Variants in TACC1 observed in about 807,000 individuals in gnomAD.
The protein encoded by TACC1 is transforming acidic coiled-coil-containing protein 1.
In TACC1, 48 loss-of-function variants were observed where a neutral mutation model predicts 84.4. The observed-to-expected ratio is 0.57, with a 90% CI of 0.45 to 0.72. TACC1 has a LOEUF of 0.72. Among genes scored for constraint, TACC1 ranks in the 30% least tolerant of loss-of-function variants. TACC1 has a pLI of 0.00. For missense variants in TACC1, 920 were observed against 973.0 expected, an observed-to-expected ratio of 0.95 and a Z score of 0.72; for synonymous variants, 372 against 376.3, an observed-to-expected ratio of 0.99 and a Z score of 0.13.
At chr8:38,771,468 A>G (rs370379395) in intron 3 of TACC1, among the ~76,000 whole-genome samples, 3 of 152,230 alleles carry the variant, frequency 2.0e-5, no homozygotes, top group African/African-American at 4.8e-5. Flanking sequence ...TGTTCAGTCC[A>G]TAAGTACCAT....
At chr8:38,763,783 G>A (rs1283924169) in intron 3 of TACC1, among the ~76,000 whole-genome samples, 1 of 151,802 alleles carries the variant, frequency 6.6e-6, no homozygotes, top group East Asian at 1.9e-4. Flanking sequence ...TTGCTTAATG[G>A]TTCATTATCT....
intron 3 of TACC1, among the ~76,000 whole-genome samples, chr8:38,766,815 T>A (rs1812342905): frequency 6.6e-6 from 1 of 152,086 alleles, no homozygotes; most frequent in Admixed American, 6.5e-5. Context: ...TCAGTCCTGA[T>A]GAACCTGGCT....
At position 38,787,539 on chromosome 8, in the gene TACC1, C is replaced by T. The variant is rs968613495; in HGVS notation, c.-44C>T. The T allele has an allele frequency of 2.7e-6, 4 of 1,493,674 alleles. No homozygotes were observed. In the Admixed American group the frequency reaches 7.8e-5, roughly 29 times the overall value. 92.5% of individuals were successfully genotyped at this position (1,493,674 alleles called of 1,614,324 possible). A position where few individuals can be genotyped will look rare whatever the true frequency, so the allele number is the denominator to read the frequency against. Reference sequence around the variant, plus strand: ...TGAAAGGGAAAAAGGCTCTCCCCACCCATTCCCCTGCCCCTAGGAGCTGGA... The same window carrying T: ...TGAAAGGGAAAAAGGCTCTCCCCACTCATTCCCCTGCCCCTAGGAGCTGGA... On this transcript the variant is annotated 5_prime_UTR_variant, in exon 1 of 13. Transcript: ENST00000317827.
At chr8:38,790,793 A>G (rs1818466204) in intron 2 of TACC1, among the ~76,000 whole-genome samples, 1 of 152,228 alleles carries the variant, frequency 6.6e-6, no homozygotes, top group African/African-American at 2.4e-5. Flanking sequence ...CCCAGCTGAG[A>G]ATTCAGCAAT....
chr8:38,739,243 G>T (rs181305739), intron 1 of TACC1, among the ~76,000 whole-genome samples: 15 of 152,184 alleles, frequency 9.9e-5, no homozygotes, highest in Non-Finnish European at 2.1e-4. Flanking sequence ...TCATACTGAT[G>T]TCTATAACTC....
chr8:38,787,719 C>T lies in TACC1; in HGVS notation c.137C>T (p.Ala46Val). 4.5e-6 allele frequency: 7 copies of T among 1,547,540 alleles called. No individual in the cohort carries two copies. The highest frequency in any genetic ancestry group is 2.4e-5 in the East Asian group (1 of 40,998). The change falls in exon 1 of 13, where the codon GCC becomes GTC. Residue 46 changes from alanine (A) to valine (V), a missense_variant. Around this residue, in one of 2 missense-constraint regions of TACC1, gnomAD observed 762 missense variants for 747.3 expected, o/e 1.02. Transcript: ENST00000317827. ...GACCCCGAGGAGGAGGATTCGCAAG[C>T]CGAGACCAAATCCTTGAGTTTCAGG... ...EGDPEEEDSQAETKSLSFSSD... is the reference protein window; with the variant it reads ...EGDPEEEDSQVETKSLSFSSD...
rs1278380989 is a variant in TACC1, at chr8:38,847,735, C to CTTAAAT, written c.2350-219_2350-218insTAAATT. The stretch of plus-strand genomic sequence containing the variant: ...TGGACAAGTTTCAGAGGGCTGGTGA[C>CTTAAAT]TGTCCTCACCCTTTACTCAATTTAA... On this transcript the variant is annotated intron_variant, in intron 12 of 12. Coordinates refer to ENST00000317827, the MANE Select transcript of TACC1 (RefSeq NM_006283.3). Among the ~76,000 whole-genome samples, 813 of 152,362 alleles carry CTTAAAT rather than the reference C, an allele frequency of 5.3e-3. 4 individuals carry two copies. Among genetic ancestry groups the CTTAAAT allele is most frequent in the African/African-American group, 0.018 (765 of 41,586 alleles).
chr8:38,821,080 C>T (rs1216734112), intron 3 of TACC1, among the ~76,000 whole-genome samples: 1 of 151,986 alleles, frequency 6.6e-6, no homozygotes, highest in Non-Finnish European at 1.5e-5. Context: ...TGGTGCACAC[C>T]TGTAGTCCCA....
At chr8:38,771,398 C>G (rs866024290) in intron 3 of TACC1, among the ~76,000 whole-genome samples, 2 of 152,130 alleles carry the variant, frequency 1.3e-5, no homozygotes, top group African/African-American at 4.8e-5. Context: ...AGACACCATA[C>G]GCTCCTGAGG....
chr8:38,832,772 G>A (rs995200244), intron 6 of TACC1, among the ~76,000 whole-genome samples: 9 of 152,158 alleles, frequency 5.9e-5, no homozygotes, highest in Admixed American at 6.5e-5. Flanking sequence ...TTTTGGGCAC[G>A]TCTCTGTTAG....
chr8:38,851,571 AAG>A lies in TACC1; in HGVS notation c.*3549_*3550del, dbSNP rs1269917819. ...CTTTTTTAGTGGAGTGAAAGTTCTG[AAG>A]CCCCCTTTTAACTTCCTCTTGGTTT... On this transcript the variant is annotated 3_prime_UTR_variant, in exon 13 of 13. Coordinates refer to ENST00000317827, the MANE Select transcript of TACC1 (RefSeq NM_006283.3). 1.0e-5 allele frequency: 2 copies of A among 195,614 alleles called. No individual in the cohort carries two copies. Among genetic ancestry groups the A allele is most frequent in the Non-Finnish European group, 2.2e-5 (2 of 92,364 alleles). 12.1% of individuals were successfully genotyped at this position (195,614 alleles called of 1,614,324 possible).
chr8:38,759,462 G>C (rs1587350749), intron 3 of TACC1, among the ~76,000 whole-genome samples: 1 of 152,196 alleles, frequency 6.6e-6, no homozygotes, highest in African/African-American at 2.4e-5. Flanking sequence ...TGTGAGGTAG[G>C]GTTCAGTTGT....
intron 2 of TACC1, among the ~76,000 whole-genome samples, chr8:38,818,693 G>C (rs192445541): frequency 2.8e-4 from 42 of 151,968 alleles, no homozygotes; most frequent in Admixed American, 2.6e-3. Flanking sequence ...TAGGTCTACA[G>C]AGAGATGATT....
chr8:38,739,598 A>G (rs1806682276), intron 1 of TACC1, among the ~76,000 whole-genome samples: 1 of 152,232 alleles, frequency 6.6e-6, no homozygotes, highest in African/African-American at 2.4e-5. Context: ...TCGGCATTTC[A>G]TCTGCATTTC....
intron 1 of TACC1, among the ~76,000 whole-genome samples, chr8:38,731,875 G>T (rs939611397): frequency 1.3e-5 from 2 of 152,218 alleles, no homozygotes; most frequent in Non-Finnish European, 2.9e-5. Context: ...ACTTTGGGAG[G>T]CCAAGGCAGA....
intron 4 of TACC1, among the ~76,000 whole-genome samples, chr8:38,826,710 A>G (rs10113202): frequency 0.015 from 2,330 of 152,334 alleles, 61 homozygotes; most frequent in African/African-American, 0.053. Context: ...TACATATGGT[A>G]TCAAATCACT....
At position 38,736,473 on chromosome 8, in the gene TACC1, G is replaced by C. The variant is rs527963572; in HGVS notation, c.-674-5878G>C. On this transcript the variant is annotated intron_variant, in intron 1 of 14. Transcript: ENST00000518415. ...TCTACAAAAAATAAAAAAATTACCC[G>C]GGCATGGTAGCACACGCCTGTAGTC... Among the ~76,000 whole-genome samples, 227 of 151,996 alleles carry C rather than the reference G, an allele frequency of 1.5e-3. 1 individual carries two copies. Among genetic ancestry groups the C allele is most frequent in the African/African-American group, 5.0e-3 (208 of 41,450 alleles).
intron 3 of TACC1, among the ~76,000 whole-genome samples, chr8:38,749,132 T>C (rs894370250): frequency 6.6e-6 from 1 of 152,178 alleles, no homozygotes; most frequent in Admixed American, 6.5e-5. Context: ...ATAACAATTC[T>C]CTATTGTTAT....
chr8:38,842,342 G>A lies in TACC1; in HGVS notation c.2016G>A (p.Met672Ile). ...AGAAGAGCTTCCAGCAACTGACCAT[G>A]GAGAAGGAACAGGCCCTGGCTGACC... is the stretch of plus-strand genomic sequence containing the variant. ...TSQKSFQQLT[M>I]EKEQALADLN... Residue 672 changes from methionine (M) to isoleucine (I), a missense_variant, in exon 10 of 13, where the codon ATG (methionine) becomes ATA (isoleucine). Coordinates refer to ENST00000317827, the MANE Select transcript of TACC1 (RefSeq NM_006283.3). The A allele has an allele frequency of 1.2e-6, 2 of 1,614,218 alleles. No homozygotes were observed. The highest frequency in any genetic ancestry group is 1.7e-6 in the Non-Finnish European group (2 of 1,180,042).
Sources: gnomAD v4.1 joint callset for allele counts (sites outside exome capture counted in the v4.1 genomes callset) on GRCh38, gnomAD v4.1.1 for gene constraint, gnomAD v4.1.1 regional missense constraint, MANE v1.5 for transcripts, NCBI Gene and HGNC (gene_info 2026-07-23, HGNC 2026-07-21) for gene names.